The following NGLY1 variants were observed in gnomAD, a reference collection of about 807,000 sequenced individuals.
NGLY1 encodes the protein N-glycanase 1, also known as peptide-N(4)-(N-acetyl-beta-glucosaminyl)asparagine amidase.
Under a neutral mutation model 84.6 loss-of-function variants are expected in NGLY1, and 68 were observed. The observed-to-expected ratio is 0.80, with a 90% confidence interval of 0.66 to 0.98. NGLY1 has a LOEUF of 0.98. Among genes scored for constraint, NGLY1 ranks in the 50% least tolerant of loss-of-function variants. NGLY1 has a pLI of 0.00. For synonymous variants in NGLY1, 280 were observed against 275.2 expected (o/e 1.02, Z -0.17); for missense variants, 779 against 770.2 (o/e 1.01, Z -0.14).
intron 4 of NGLY1, among the ~76,000 whole-genome samples, chr3:25,745,037 T>C (rs559046324): frequency 6.6e-6 from 1 of 152,336 alleles, no homozygotes; most frequent in East Asian, 1.9e-4. Context: ...GATATACTCA[T>C]TATGCCTACC....
chr3:25,754,963 T>C lies in NGLY1; in HGVS notation c.493-3700A>G, dbSNP rs1345710054. ...AGATGGCACTTCCCAAGAACGCTCCTAGGGATGCCTTGGTGATGGCACAGA... is the reference window on the plus strand; with the variant it reads ...AGATGGCACTTCCCAAGAACGCTCCCAGGGATGCCTTGGTGATGGCACAGA... On this transcript the variant is annotated intron_variant, in intron 3 of 11. Transcript: ENST00000280700. 1.2e-5 allele frequency: 9 copies of C among 759,084 alleles called. No homozygotes were observed. In the Middle Eastern group the frequency reaches 7.1e-4, roughly 60 times the overall value. The allele number at this position is 759,084 out of a possible 1,614,324, so 47.0% of individuals were successfully genotyped here.
At chr3:25,767,837 G>C (rs2125298355) in intron 2 of NGLY1, among the ~76,000 whole-genome samples, 1 of 152,284 alleles carries the variant, frequency 6.6e-6, no homozygotes, top group African/African-American at 2.4e-5. Flanking sequence ...TAGAGGCTGG[G>C]CGGGGTGGCT....
intron 2 of NGLY1, among the ~76,000 whole-genome samples, chr3:25,769,697 C>G (rs1473449634): frequency 6.6e-6 from 1 of 151,998 alleles, no homozygotes; most frequent in Non-Finnish European, 1.5e-5. Context: ...TACTGCTAGG[C>G]ACACATCCAA....
chr3:25,755,024 A>AAGGTT, intron 3 of NGLY1: 1 of 982,846 alleles, frequency 1.0e-6, no homozygotes, highest in Non-Finnish European at 1.7e-6. Flanking sequence ...CTACAAACCA[A>AAGGTT]AGGTTATAAA....
intron 2 of NGLY1, among the ~76,000 whole-genome samples, chr3:25,777,195 A>G (rs1708191717): frequency 6.6e-6 from 1 of 152,208 alleles, no homozygotes; most frequent in African/African-American, 2.4e-5. Context: ...CAAGAGTTCG[A>G]GACCAACCTG....
chr3:25,754,603 G>A (rs961863428), intron 3 of NGLY1, among the ~76,000 whole-genome samples: 1 of 152,020 alleles, frequency 6.6e-6, no homozygotes, highest in African/African-American at 2.4e-5. Context: ...CCCCATGGGG[G>A]ACTACTGCAG....
Position 25,739,675 on chromosome 3 carries a change from A to G in NGLY1, c.783T>C (p.Asp261=), listed in dbSNP as rs147024365. The part of the protein sequence containing the change: ...SKCGGQTRSR[D]RSLLPSDDEL... ...CATCATCACTGGGCAGTAATGATCT[A>G]TCTCTAGACCTAGTCTGTCCACCAC... The change falls in exon 5 of 12, where the codon GAT becomes GAC. Residue 261 remains aspartate, a synonymous_variant. Transcript: ENST00000280700. 3.2e-5 allele frequency: 51 copies of G among 1,613,978 alleles called. No homozygotes were observed. The highest frequency in any genetic ancestry group is 4.3e-5 in the Non-Finnish European group (51 of 1,179,992).
rs1480280238 is a variant in NGLY1, at chr3:25,778,580, A to G, written c.240T>C (p.Phe80=). ...AATCCTTGAACATACTTACCTCTTC[A>G]AAGCCCATTTCAAATAAACATTCAA... is the stretch of plus-strand genomic sequence containing the variant. ...GAVECLFEMG[F]EEGETHLIFP... The change falls in exon 2 of 12, where the codon TTT becomes TTC. Residue 80 remains phenylalanine, a synonymous_variant. Transcript: ENST00000280700. 3.1e-6 allele frequency: 5 copies of G among 1,602,948 alleles called. No homozygotes were observed. Among genetic ancestry groups the G allele is most frequent in the African/African-American group, 2.7e-5 (2 of 74,454 alleles).
intron 3 of NGLY1, 38 bp downstream of exon 3, chr3:25,764,028 G>A (rs1015488199): frequency 6.2e-7 from 1 of 1,605,562 alleles, no homozygotes; most frequent in Non-Finnish European, 8.5e-7. Flanking sequence ...TCAACACTTT[G>A]AAAGAAACAG....
intron 4 of NGLY1, among the ~76,000 whole-genome samples, chr3:25,741,130 TAAAAAAAAA>T (rs376282084): frequency 2.8e-5 from 3 of 105,638 alleles, no homozygotes; most frequent in East Asian, 2.6e-4. Flanking sequence ...TCTGTCTCAT[TAAAAAAAAA>T]AAAAAAAAAA....
chr3:25,750,091 A>G (rs1177142153), intron 4 of NGLY1, among the ~76,000 whole-genome samples: 1 of 152,180 alleles, frequency 6.6e-6, no homozygotes, highest in Non-Finnish European at 1.5e-5. Flanking sequence ...ATGGCTGGAG[A>G]GGCCTCCCAA....
chr3:25,769,586 C>T (rs1707789707), intron 2 of NGLY1, among the ~76,000 whole-genome samples: 1 of 152,050 alleles, frequency 6.6e-6, no homozygotes, highest in Admixed American at 6.6e-5. Context: ...AATCTTTATA[C>T]ATTCCTAGTG....
Position 25,778,629 on chromosome 3 carries a change from CTAG to C in NGLY1, c.188_190del (p.Thr63del). On this transcript the variant is annotated inframe_deletion, in exon 2 of 12. Coordinates refer to ENST00000280700, the MANE Select transcript of NGLY1 (RefSeq NM_018297.4). Reference sequence around the variant, plus strand: ...AACAGCTCCTCTGACAGGCAAGAGTCTAGTAGAAAAGGCTGTGTTTCCAATCCG... The same window carrying C: ...AACAGCTCCTCTGACAGGCAAGAGTCTAGAAAAGGCTGTGTTTCCAATCCG... 6.2e-7 allele frequency: 1 copy of C among 1,612,568 alleles called. No individual in the cohort carries two copies. Among genetic ancestry groups the C allele is most frequent in the Non-Finnish European group, 8.5e-7 (1 of 1,179,168 alleles).
At chr3:25,782,784 G>T (rs1165979657) in intron 1 of NGLY1, 1 of 156,096 alleles carries the variant, frequency 6.4e-6, no homozygotes, top group Non-Finnish European at 1.4e-5. Context: ...CTCAACATGG[G>T]AAGAAAACAT....
chr3:25,783,207 G>A lies in NGLY1; in HGVS notation c.131+53C>T. 1.3e-6 allele frequency: 2 copies of A among 1,539,552 alleles called. No homozygotes were observed. Among genetic ancestry groups the A allele is most frequent in the Non-Finnish European group, 1.8e-6 (2 of 1,120,256 alleles). Reference sequence around the variant, plus strand: ...ACGCCCCAGTCCCTGGCCGAACAAGGTGCCGCGGCCCACCCACCCCGGTAC... The same window carrying A: ...ACGCCCCAGTCCCTGGCCGAACAAGATGCCGCGGCCCACCCACCCCGGTAC... On this transcript the variant is annotated intron_variant, in intron 1 of 11. Transcript: ENST00000280700. This position sits in a 1 kb window ranked among gnomAD's most constrained non-coding sequence, Gnocchi z 4.5.
rs1491564606 is a variant in NGLY1 at position 25,733,466 on chromosome 3, C to CGTGTATGT, written c.1260+405_1260+406insACATACAC. On this transcript the variant is annotated intron_variant, in intron 8 of 11. Transcript: ENST00000280700. ...TGCTTCAGAAATTTCCTCACATGGA[C>CGTGTATGT]GTGTGTGTGTGTGTGTGTGTGTGTG... 2.1e-3 allele frequency among the ~76,000 whole-genome samples: 284 copies of CGTGTATGT among 134,208 alleles called. 1 individual carries two copies. Among genetic ancestry groups the CGTGTATGT allele is most frequent in the African/African-American group, 7.0e-3 (254 of 36,268 alleles). The allele number at this position is 134,208 out of a possible 152,430, so 88.0% of individuals were successfully genotyped here.
intron 2 of NGLY1, among the ~76,000 whole-genome samples, chr3:25,773,045 C>T (rs193251185): frequency 6.6e-6 from 1 of 152,252 alleles, no homozygotes; most frequent in East Asian, 1.9e-4. Context: ...ATGCTTTTGC[C>T]TAAGAGCTTG....
intron 4 of NGLY1, among the ~76,000 whole-genome samples, chr3:25,748,782 C>G (rs571377174): frequency 1.8e-4 from 28 of 152,162 alleles, no homozygotes; most frequent in African/African-American, 6.5e-4. Flanking sequence ...GTTAGATTCA[C>G]ATTAAAATTC....
chr3:25,727,728 T>A (rs558387351), intron 10 of NGLY1, among the ~76,000 whole-genome samples: 1 of 152,298 alleles, frequency 6.6e-6, no homozygotes, highest in East Asian at 1.9e-4. Context: ...AACAAATGAG[T>A]GTATAAGACA....
Sources: gnomAD v4.1 joint callset for allele counts (sites outside exome capture counted in the v4.1 genomes callset) on GRCh38, gnomAD v4.1.1 for gene constraint, Gnocchi (gnomAD v3.1) non-coding constraint, MANE v1.5 for transcripts, NCBI Gene and HGNC (gene_info 2026-07-23, HGNC 2026-07-21) for gene names.